Variants in ZSCAN4 observed in about 807,000 individuals in gnomAD.
ZSCAN4 encodes the protein zinc finger and SCAN domain containing 4, also known as zinc finger and SCAN domain-containing protein 4.
A neutral mutation model predicts 18.3 loss-of-function variants in ZSCAN4; 18 were observed. The observed-to-expected ratio is 0.98, with a 90% confidence interval of 0.68 to 1.46. The LOEUF (loss-of-function observed/expected upper bound fraction) is 1.46. Ranked by LOEUF, ZSCAN4 falls within the 40% of genes most tolerant of loss-of-function variation. The probability of loss-of-function intolerance (pLI) is 0.00; values close to 1 mark genes in which losing one functional copy is unlikely to be tolerated. For synonymous variants in ZSCAN4, 193 were observed against 180.3 expected (o/e 1.07, Z -0.57); for missense variants, 498 against 511.4 (o/e 0.97, Z 0.25).
At chr19:57,657,284 A>T in the ZSCAN4 span, among the ~76,000 whole-genome samples, 2 of 148,488 alleles carry the variant, frequency 1.3e-5, no homozygotes, top group African/African-American at 2.5e-5. Flanking sequence ...ACAGAGCTAG[A>T]CTCCATGTCA....
chr19:57,660,371 G>A, the ZSCAN4 span, among the ~76,000 whole-genome samples: 2 of 152,132 alleles, frequency 1.3e-5, no homozygotes, highest in Admixed American at 1.3e-4. Flanking sequence ...GTAAGCTCTT[G>A]GTACTGTGCA....
chr19:57,677,890 A>G, intron 3 of ZSCAN4, 24 bp from the exon 4 acceptor site: 1 of 1,515,556 alleles, frequency 6.6e-7, no homozygotes, highest in South Asian at 1.4e-5. Context: ...TTCAGATACA[A>G]CAGTGATCTG....
upstream of ZSCAN4, among the ~76,000 whole-genome samples, chr19:57,667,112 T>C (rs531398089): frequency 6.6e-6 from 1 of 152,318 alleles, no homozygotes; most frequent in South Asian, 2.1e-4. Flanking sequence ...AGAAAAGCAT[T>C]TGATAGTTGT....
At chr19:57,652,061 C>A in the ZSCAN4 span, among the ~76,000 whole-genome samples, 1 of 152,134 alleles carries the variant, frequency 6.6e-6, no homozygotes, top group South Asian at 2.1e-4. Flanking sequence ...GATGCCCCAG[C>A]TCTTCTCCAT....
chr19:57,651,873 C>T, the ZSCAN4 span, among the ~76,000 whole-genome samples: 7 of 152,258 alleles, frequency 4.6e-5, no homozygotes, highest in African/African-American at 7.2e-5. Flanking sequence ...CACCAGTCTC[C>T]GATTTCTGGG....
chr19:57,662,633 C>T, the ZSCAN4 span, among the ~76,000 whole-genome samples: 3 of 152,174 alleles, frequency 2.0e-5, no homozygotes, highest in Admixed American at 6.6e-5. Context: ...ACAATGTCAG[C>T]TCACTGCAGC....
the ZSCAN4 span, among the ~76,000 whole-genome samples, chr19:57,657,602 A>T: frequency 1.3e-5 from 2 of 152,204 alleles, no homozygotes; most frequent in African/African-American, 2.4e-5. Context: ...TTGATAAATT[A>T]ATCTCATTCC....
At chr19:57,669,583 C>G (rs745817739) in intron 1 of ZSCAN4, among the ~76,000 whole-genome samples, 1 of 152,132 alleles carries the variant, frequency 6.6e-6, no homozygotes, top group African/African-American at 2.4e-5. Context: ...CGCGCCACTA[C>G]GCCTGGCTAA....
At chr19:57,673,250 C>T (rs4801512) in intron 2 of ZSCAN4, among the ~76,000 whole-genome samples, 25,620 of 151,774 alleles carry the variant, frequency 0.17, 2,230 homozygotes, top group East Asian at 0.26. Context: ...GGTTTCACCA[C>T]GTCTCATCTC....
chr19:57,671,869 C>G (rs1984033740), intron 2 of ZSCAN4, among the ~76,000 whole-genome samples: 1 of 152,188 alleles, frequency 6.6e-6, no homozygotes, highest in Non-Finnish European at 1.5e-5. Context: ...CAGGAAATAA[C>G]ATTAACTAAC....
At chr19:57,668,874 C>G (rs1457020999), upstream of ZSCAN4, 1 of 152,138 alleles carries the variant, frequency 6.6e-6, no homozygotes, top group Non-Finnish European at 1.5e-5. Flanking sequence ...CCCGGGCCCC[C>G]TCTGTTTCAC....
chr19:57,678,068 A>C (rs1984243674), exon 4 of ZSCAN4: 1 of 1,582,148 alleles, frequency 6.3e-7, no homozygotes, highest in African/African-American at 1.4e-5. Flanking sequence ...ACTTCCTTAG[A>C]AACAGGACAA....
chr19:57,654,749 T>C, the ZSCAN4 span, among the ~76,000 whole-genome samples: 2 of 152,308 alleles, frequency 1.3e-5, no homozygotes, highest in African/African-American at 4.8e-5. Context: ...GACACCTTTT[T>C]TCACCATCCC....
chr19:57,656,946 C>T, the ZSCAN4 span, among the ~76,000 whole-genome samples: 18 of 152,052 alleles, frequency 1.2e-4, no homozygotes, highest in African/African-American at 4.3e-4. Flanking sequence ...ATGATCAAAT[C>T]ACTGCACTCC....
intron 2 of ZSCAN4, among the ~76,000 whole-genome samples, chr19:57,672,123 C>G (rs1984042175): frequency 6.6e-6 from 1 of 152,130 alleles, no homozygotes; most frequent in Non-Finnish European, 1.5e-5. Context: ...GATTAGAAAT[C>G]AATTTCAAGC....
chr19:57,674,462 T>G (rs192144498), intron 2 of ZSCAN4, among the ~76,000 whole-genome samples: 1 of 152,338 alleles, frequency 6.6e-6, no homozygotes, highest in East Asian at 1.9e-4. Context: ...CTTAAGATAA[T>G]GGCCTCCAGC....
exon 4 of ZSCAN4, chr19:57,677,926 A>G: frequency 6.5e-7 from 1 of 1,544,360 alleles, no homozygotes; most frequent in Non-Finnish European, 8.7e-7. Context: ...CCACGTCCAC[A>G]TGCAGGGACA....
At chr19:57,671,424 G>C (rs1187295278) in intron 2 of ZSCAN4, among the ~76,000 whole-genome samples, 1 of 151,508 alleles carries the variant, frequency 6.6e-6, no homozygotes, top group African/African-American at 2.4e-5. Flanking sequence ...TGTCATAGGG[G>C]AGAAAGGGTG....
At chr19:57,678,497 T>C in exon 5 of ZSCAN4, 1 of 1,614,160 alleles carries the variant, frequency 6.2e-7, no homozygotes, top group Non-Finnish European at 8.5e-7. Flanking sequence ...ATTCCACATG[T>C]GAGGTACATC....
Sources: allele counts gnomAD v4.1 joint callset (sites outside exome capture counted in the v4.1 genomes callset), GRCh38; gene constraint gnomAD v4.1.1; transcripts MANE v1.5; gene names NCBI Gene and HGNC (gene_info 2026-07-23, HGNC 2026-07-21).